The following ASIC2 variants were observed in gnomAD, a reference collection of about 807,000 sequenced individuals.
ASIC2 encodes the protein acid-sensing ion channel 2.
Under a neutral mutation model 57.3 loss-of-function variants are expected in ASIC2, and 25 were observed. That is an observed-to-expected ratio of 0.44 (90% CI 0.32 to 0.61). The LOEUF (loss-of-function observed/expected upper bound fraction) is 0.61, where lower values mean the gene tolerates loss of function less well. Among genes scored for constraint, ASIC2 ranks in the 20% least tolerant of loss-of-function variants. The pLI is 0.06. For synonymous variants in ASIC2, 319 were observed against 307.5 expected, an observed-to-expected ratio of 1.04 and a Z score of -0.39; for missense variants, 641 against 738.1, an observed-to-expected ratio of 0.87 and a Z score of 1.52.
At chr17:33,458,990 C>T (rs576082392) in intron 1 of ASIC2, among the ~76,000 whole-genome samples, 1 of 152,158 alleles carries the variant, frequency 6.6e-6, no homozygotes, top group African/African-American at 2.4e-5. Context: ...TGGAAAACCT[C>T]CACGTTGTCA....
chr17:33,917,737 C>T (rs543506684), intron 1 of ASIC2, among the ~76,000 whole-genome samples: 1 of 152,254 alleles, frequency 6.6e-6, no homozygotes, highest in Admixed American at 6.5e-5. Context: ...TTAATTATAG[C>T]ACCTCCTCTG....
chr17:33,657,584 A>G (rs1597823944), intron 1 of ASIC2, among the ~76,000 whole-genome samples: 1 of 152,184 alleles, frequency 6.6e-6, no homozygotes, highest in East Asian at 1.9e-4. Context: ...GAGCAACCTG[A>G]AGGAGACAAA....
intron 1 of ASIC2, among the ~76,000 whole-genome samples, chr17:33,707,846 AT>A (rs1450181861): frequency 6.6e-6 from 1 of 152,160 alleles, no homozygotes; most frequent in East Asian, 1.9e-4. Flanking sequence ...GCATGGAGCC[AT>A]TTTTTTAAAG....
intron 1 of ASIC2, among the ~76,000 whole-genome samples, chr17:33,884,005 A>G (rs577088906): frequency 3.3e-5 from 5 of 152,322 alleles, no homozygotes; most frequent in South Asian, 2.1e-4. Flanking sequence ...CCAGAGCCCA[A>G]TGTGTAGCCA....
chr17:34,034,054 AC>A (rs1356869891), intron 1 of ASIC2, among the ~76,000 whole-genome samples: 2 of 152,198 alleles, frequency 1.3e-5, no homozygotes, highest in Non-Finnish European at 2.9e-5. Flanking sequence ...CAGAGACACA[AC>A]CAAAAAAGAG....
intron 8 of ASIC2, 45 bp from the exon 9 acceptor site, chr17:33,016,084 G>A (rs1347343232): frequency 6.2e-7 from 1 of 1,600,358 alleles, no homozygotes; most frequent in Non-Finnish European, 8.6e-7. Flanking sequence ...GGAAGAGGGT[G>A]CAGAGGCAGA....
At chr17:33,414,471 A>G (rs888524963) in intron 1 of ASIC2, among the ~76,000 whole-genome samples, 2 of 152,108 alleles carry the variant, frequency 1.3e-5, no homozygotes, top group African/African-American at 4.8e-5. Context: ...CAGGCTATCT[A>G]TTGGCTAGTT....
intron 1 of ASIC2, among the ~76,000 whole-genome samples, chr17:33,791,087 C>T (rs1431598420): frequency 3.9e-5 from 6 of 152,206 alleles, no homozygotes; most frequent in African/African-American, 1.4e-4. Context: ...ACCCCTCATG[C>T]TACGTGAGGG....
chr17:33,175,669 T>G (rs534010704), intron 1 of ASIC2, among the ~76,000 whole-genome samples: 1 of 152,230 alleles, frequency 6.6e-6, no homozygotes, highest in African/African-American at 2.4e-5. Flanking sequence ...GCTTTCTCAT[T>G]CATTCATCAA....
chr17:34,013,342 G>A (rs1906838261), intron 1 of ASIC2, among the ~76,000 whole-genome samples: 1 of 152,114 alleles, frequency 6.6e-6, no homozygotes, highest in Non-Finnish European at 1.5e-5. Context: ...AGAATGCTCC[G>A]CCTCCCAGGC....
chr17:33,502,518 A>T (rs1914130608), intron 1 of ASIC2, among the ~76,000 whole-genome samples: 1 of 152,194 alleles, frequency 6.6e-6, no homozygotes, highest in Non-Finnish European at 1.5e-5. Flanking sequence ...CTCCAGGGAA[A>T]GGGCAAGGGC....
chr17:33,532,111 C>A (rs1416734729), intron 1 of ASIC2, among the ~76,000 whole-genome samples: 1 of 152,156 alleles, frequency 6.6e-6, no homozygotes, highest in Non-Finnish European at 1.5e-5. Flanking sequence ...GAGCCAGAAC[C>A]AACACCCAGT....
At chr17:33,082,224 G>A (rs934250110) in intron 3 of ASIC2, among the ~76,000 whole-genome samples, 13 of 151,992 alleles carry the variant, frequency 8.6e-5, no homozygotes, top group Non-Finnish European at 1.6e-4. Context: ...GAACAATAAC[G>A]TTGGTGGGCC....
At chr17:33,257,020 T>C (rs1018173817) in intron 1 of ASIC2, among the ~76,000 whole-genome samples, 1 of 152,168 alleles carries the variant, frequency 6.6e-6, no homozygotes, top group Non-Finnish European at 1.5e-5. Context: ...GCAGAGATGG[T>C]GGACTGCCAG....
intron 1 of ASIC2, among the ~76,000 whole-genome samples, chr17:33,350,589 C>T (rs975535046): frequency 1.7e-4 from 25 of 151,224 alleles, no homozygotes; most frequent in African/African-American, 6.1e-4. Flanking sequence ...GGCTGAGGCA[C>T]GAGAATGGCT....
intron 1 of ASIC2, among the ~76,000 whole-genome samples, chr17:33,286,233 C>A (rs1339276786): frequency 6.6e-6 from 1 of 152,190 alleles, no homozygotes; most frequent in Non-Finnish European, 1.5e-5. Context: ...CTGTTTTCTT[C>A]GCTTTCAGTA....
intron 1 of ASIC2, among the ~76,000 whole-genome samples, chr17:33,957,938 G>A (rs904064805): frequency 6.6e-6 from 1 of 152,208 alleles, no homozygotes; most frequent in African/African-American, 2.4e-5. Context: ...TACAATAGGG[G>A]TAAAGGCATT....
chr17:33,549,994 A>T (rs968787265), intron 1 of ASIC2, among the ~76,000 whole-genome samples: 2 of 152,176 alleles, frequency 1.3e-5, no homozygotes, highest in African/African-American at 2.4e-5. Flanking sequence ...ATTTTGCCAG[A>T]TGCTTTCTTT....
chr17:34,006,632 TTG>T lies in ASIC2; in HGVS notation c.555+149344_555+149345del, dbSNP rs1906534749. On this transcript the variant is annotated intron_variant, in intron 1 of 9. Transcript: ENST00000359872. ...AAAAATATTTATTTTTTAGTTTTGA[TTG>T]ATACAGAATCATTATATATATTCAT... 3 of 114,338 alleles carry T rather than the reference TTG, an allele frequency of 2.6e-5. No homozygotes were observed. The Admixed American group carries it at 2.7e-4, about 10-fold the overall frequency. The allele number at this position is 114,338 out of a possible 1,614,324, so 7.1% of individuals were successfully genotyped here.
Sources: allele counts gnomAD v4.1 joint callset (sites outside exome capture counted in the v4.1 genomes callset), GRCh38; gene constraint gnomAD v4.1.1; transcripts MANE v1.5; gene names NCBI Gene and HGNC (gene_info 2026-07-23, HGNC 2026-07-21).